The following DEPDC5 variants were observed in gnomAD, a reference collection of about 807,000 sequenced individuals.
The protein encoded by DEPDC5 is DEP domain containing 5, GATOR1 subcomplex subunit, also known as GATOR1 complex protein DEPDC5.
DEPDC5 carries 73 observed loss-of-function variants against 217.3 expected under a neutral mutation model. The observed-to-expected ratio is 0.34, with a 90% CI of 0.28 to 0.41. DEPDC5 has a LOEUF of 0.41. DEPDC5 is among the 10% of genes least tolerant of loss of function. The pLI is 1.00. For missense variants in DEPDC5, 1,675 were observed against 2,070.1 expected (o/e 0.81, Z 3.70); for synonymous variants, 733 against 756.7 (o/e 0.97, Z 0.51).
chr22:31,763,099 T>G (rs1310042223), intron 4 of DEPDC5, among the ~76,000 whole-genome samples: 1 of 152,072 alleles, frequency 6.6e-6, no homozygotes, highest in African/African-American at 2.4e-5. Context: ...CAAGGGATTC[T>G]CCTGCCTCAG....
intron 10 of DEPDC5, among the ~76,000 whole-genome samples, chr22:31,786,076 A>G (rs1407513730): frequency 3.3e-5 from 5 of 151,968 alleles, no homozygotes; most frequent in Non-Finnish European, 2.9e-5. Context: ...GGCCAACGTC[A>G]TGAAACCCTG....
At chr22:31,866,489 G>A (rs2092693257) in intron 33 of DEPDC5, among the ~76,000 whole-genome samples, 1 of 152,028 alleles carries the variant, frequency 6.6e-6, no homozygotes, top group African/African-American at 2.4e-5. Flanking sequence ...GAGTTCAAGC[G>A]ATTCTCCTGC....
At chr22:31,788,439 C>A (rs1007505933) in intron 10 of DEPDC5, among the ~76,000 whole-genome samples, 51 of 148,934 alleles carry the variant, frequency 3.4e-4, no homozygotes, top group African/African-American at 1.2e-3. Context: ...TATGCCCGGG[C>A]AATTTTTTTT....
At chr22:31,873,631 T>A (rs541368829) in intron 35 of DEPDC5, among the ~76,000 whole-genome samples, 3 of 152,088 alleles carry the variant, frequency 2.0e-5, no homozygotes, top group South Asian at 2.1e-4. Context: ...AGGGATTTTT[T>A]AAAAAGTAGT....
chr22:31,873,607 G>A (rs1321864427), intron 35 of DEPDC5, among the ~76,000 whole-genome samples: 1 of 151,626 alleles, frequency 6.6e-6, no homozygotes, highest in African/African-American at 2.4e-5. Flanking sequence ...GCCTCAAGAT[G>A]GGATTTTTTT....
chr22:31,775,955 C>T (rs572488923), intron 7 of DEPDC5, among the ~76,000 whole-genome samples: 13 of 148,450 alleles, frequency 8.8e-5, no homozygotes, highest in Admixed American at 6.1e-4. Context: ...GCAGGAGAAT[C>T]GCTTGAACCA....
chr22:31,856,279 A>C (rs1479679082), intron 31 of DEPDC5, among the ~76,000 whole-genome samples: 4 of 151,942 alleles, frequency 2.6e-5, no homozygotes, highest in Non-Finnish European at 4.4e-5. Flanking sequence ...CAGCCCATGC[A>C]GCTGGGGCTG....
At chr22:31,844,113 C>T (rs2091567616) in intron 29 of DEPDC5, among the ~76,000 whole-genome samples, 1 of 152,118 alleles carries the variant, frequency 6.6e-6, no homozygotes, top group South Asian at 2.1e-4. Flanking sequence ...GTAATCCCAA[C>T]TACTTGGGAG....
chr22:31,901,303 T>C (rs1020735390), intron 40 of DEPDC5, among the ~76,000 whole-genome samples: 4 of 152,002 alleles, frequency 2.6e-5, no homozygotes, highest in Non-Finnish European at 4.4e-5. Flanking sequence ...CCTAGCTACT[T>C]GGGAGATTAA....
intron 7 of DEPDC5, among the ~76,000 whole-genome samples, chr22:31,774,249 T>C (rs150070603): frequency 0.017 from 2,578 of 150,774 alleles, 72 homozygotes; most frequent in African/African-American, 0.061. Context: ...TCACCTAGGC[T>C]GCAGTGCAGT....
rs1471370017 is a variant in DEPDC5 at position 31,906,415 on chromosome 22, C to T, written c.4730C>T (p.Thr1577Met). 5 of 1,614,080 alleles carry T rather than the reference C, an allele frequency of 3.1e-6. No individual in the cohort carries two copies. The highest frequency in any genetic ancestry group is 1.3e-5 in the African/African-American group (1 of 75,072). Residue 1577 changes from threonine to methionine, a missense_variant, in exon 43 of 43, where the codon ACG becomes ATG. Thr to Met is a moderately conservative substitution (Grantham distance 81). Transcript: ENST00000651528. The surrounding 1 kb of genome is among the most constrained non-coding windows in gnomAD (Gnocchi z 5.1). ...GCTGATCGGCTGCTGAAGGACTTCACGGACTTCTGCATCAACCGTGACAAC... is the reference window on the plus strand; with the variant it reads ...GCTGATCGGCTGCTGAAGGACTTCATGGACTTCTGCATCAACCGTGACAAC... The part of the protein sequence containing the change: ...KFADRLLKDF[T>M]DFCINRDNRL...
chr22:31,887,535 G>T (rs2093346520), intron 38 of DEPDC5, among the ~76,000 whole-genome samples: 1 of 152,028 alleles, frequency 6.6e-6, no homozygotes, highest in East Asian at 1.9e-4. Context: ...TTCTCCTGGG[G>T]TCTCTGTGTG....
At chr22:31,884,795 A>C (rs1025810369) in intron 38 of DEPDC5, among the ~76,000 whole-genome samples, 20 of 152,144 alleles carry the variant, frequency 1.3e-4, no homozygotes, top group African/African-American at 4.8e-4. Context: ...CTGGATGTAC[A>C]GTGTTCAGAA....
rs75447768 is a variant in DEPDC5 at position 31,882,418 on chromosome 22, G to A, written c.4033+2666G>A. ...AAGTAAATATTGGATCATGCATGGCGACAATTTATGTGAGAGCTGAAGAAA... is the reference window on the plus strand; with the variant it reads ...AAGTAAATATTGGATCATGCATGGCAACAATTTATGTGAGAGCTGAAGAAA... On this transcript the variant is annotated intron_variant, in intron 38 of 42. Transcript: ENST00000651528. Among the ~76,000 whole-genome samples the A allele has an allele frequency of 3.2e-4, 49 of 152,252 alleles. No individual in the cohort carries two copies. The East Asian group carries it at 8.5e-3, about 26-fold the overall frequency.
At chr22:31,815,888 C>G in intron 21 of DEPDC5, 1 of 1,062,160 alleles carries the variant, frequency 9.4e-7, no homozygotes, top group East Asian at 6.9e-5. Flanking sequence ...TAACTGTATG[C>G]CTTTCCATAT....
chr22:31,773,890 G>A (rs1024836393), intron 7 of DEPDC5, among the ~76,000 whole-genome samples: 10 of 152,104 alleles, frequency 6.6e-5, no homozygotes, highest in Non-Finnish European at 1.2e-4. Context: ...TGGCGAACAT[G>A]GTGAAACCCT....
intron 31 of DEPDC5, 78 bp downstream of exon 31, chr22:31,847,045 G>T: frequency 6.3e-7 from 1 of 1,589,660 alleles, no homozygotes. Flanking sequence ...CCCTTGAGGG[G>T]GTGAAATATT....
At chr22:31,805,247 T>C (rs562086700) in intron 17 of DEPDC5, 1 of 165,470 alleles carries the variant, frequency 6.0e-6, no homozygotes, top group South Asian at 1.7e-4. Context: ...CCGCGCCTCT[T>C]TACATGGAAT....
Position 31,904,480 on chromosome 22 carries a change from C to T in DEPDC5, c.4437-1504C>T, listed in dbSNP as rs376111758. Among the ~76,000 whole-genome samples the T allele has an allele frequency of 4.5e-4, 68 of 152,308 alleles. 2 individuals carry two copies. The South Asian group carries it at 0.011, about 25-fold the overall frequency. ...AAAGCAGGCTGGGTGTGGTGGCTCACGCCTGTAATCCCAGCAGTTTGGGAG... is the reference window on the plus strand; with the variant it reads ...AAAGCAGGCTGGGTGTGGTGGCTCATGCCTGTAATCCCAGCAGTTTGGGAG... On this transcript the variant is annotated intron_variant, in intron 41 of 42. Coordinates refer to ENST00000651528, the MANE Select transcript of DEPDC5 (RefSeq NM_001242896.3).
Sources: gnomAD v4.1 joint callset for allele counts (sites outside exome capture counted in the v4.1 genomes callset) on GRCh38, gnomAD v4.1.1 for gene constraint, Gnocchi (gnomAD v3.1) non-coding constraint, MANE v1.5 for transcripts, NCBI Gene and HGNC (gene_info 2026-07-23, HGNC 2026-07-21) for gene names.